SORCS1: variants seen among roughly 807,000 people sequenced by gnomAD.
SORCS1 encodes the protein sortilin related VPS10 domain containing receptor 1.
SORCS1 carries 60 observed loss-of-function variants against 146.1 expected under a neutral mutation model. The observed-to-expected ratio is 0.41, with a 90% CI of 0.33 to 0.51. SORCS1 has a LOEUF of 0.51. Ranked by LOEUF, SORCS1 falls within the 20% of genes least tolerant of loss-of-function variation. The probability of loss-of-function intolerance (pLI) is 0.21; values close to 1 mark genes in which losing one functional copy is unlikely to be tolerated. For missense variants in SORCS1, 1,352 were observed against 1,487.6 expected, an observed-to-expected ratio of 0.91 and a Z score of 1.50; for synonymous variants, 637 against 584.0, an observed-to-expected ratio of 1.09 and a Z score of -1.31.
intron 2 of SORCS1, among the ~76,000 whole-genome samples, chr10:106,850,260 C>G (rs1032556262): frequency 2.0e-5 from 3 of 152,054 alleles, no homozygotes; most frequent in African/African-American, 4.8e-5. Context: ...GAGGACCCTC[C>G]GAGCCAGGTG....
chr10:106,927,537 G>T (rs1161738588), intron 2 of SORCS1, among the ~76,000 whole-genome samples: 1 of 152,258 alleles, frequency 6.6e-6, no homozygotes, highest in East Asian at 1.9e-4. Context: ...GGACATGAGC[G>T]GGTTGCCACT....
intron 17 of SORCS1, among the ~76,000 whole-genome samples, chr10:106,665,044 C>T (rs1006869533): frequency 3.3e-5 from 5 of 151,996 alleles, no homozygotes; most frequent in Non-Finnish European, 7.4e-5. Flanking sequence ...CCTTGGATGT[C>T]GTGTTATCAT....
chr10:106,852,825 C>T (rs2137309066), intron 2 of SORCS1, among the ~76,000 whole-genome samples: 1 of 152,136 alleles, frequency 6.6e-6, no homozygotes, highest in Non-Finnish European at 1.5e-5. Flanking sequence ...CTTTACATAT[C>T]TTGGATAAAC....
chr10:107,038,621 C>G (rs1959020187), intron 1 of SORCS1, among the ~76,000 whole-genome samples: 1 of 151,940 alleles, frequency 6.6e-6, no homozygotes, highest in South Asian at 2.1e-4. Context: ...TGCTTAAATT[C>G]TCTTTGTTTT....
chr10:106,779,547 A>ATT lies in SORCS1; in HGVS notation c.727-2857_727-2856dup, dbSNP rs11357093. On this transcript the variant is annotated intron_variant, in intron 3 of 25. Coordinates refer to ENST00000263054, the MANE Select transcript of SORCS1 (RefSeq NM_052918.5). ...TTTTAAGTTTGACATTATGGCCCAT[A>ATT]TTTTTTTTTTTTTTTTTTTTGAGAC... Among the ~76,000 whole-genome samples the ATT allele has an allele frequency of 3.2e-3, 273 of 84,772 alleles. 7 individuals carry two copies. The highest frequency in any genetic ancestry group is 9.3e-3 in the East Asian group (37 of 3,996). 55.6% of individuals were successfully genotyped at this position (84,772 alleles called of 152,430 possible).
At chr10:106,974,811 T>C (rs1176303544) in intron 1 of SORCS1, among the ~76,000 whole-genome samples, 1 of 152,186 alleles carries the variant, frequency 6.6e-6, no homozygotes, top group Non-Finnish European at 1.5e-5. Context: ...TTACGCAGTT[T>C]TGAGAATGAA....
At chr10:106,588,240 G>A (rs1217211379) in intron 24 of SORCS1, among the ~76,000 whole-genome samples, 1 of 152,210 alleles carries the variant, frequency 6.6e-6, no homozygotes, top group Non-Finnish European at 1.5e-5. Context: ...CCCAGATTCA[G>A]GGGCATGTTT....
At chr10:107,097,510 T>C (rs144923967) in intron 1 of SORCS1, among the ~76,000 whole-genome samples, 188 of 152,288 alleles carry the variant, frequency 1.2e-3, no homozygotes, top group Non-Finnish European at 2.4e-3. Flanking sequence ...TAGGAGCAAC[T>C]GGCTAGGGTT....
At chr10:106,761,782 T>C (rs1859128901) in intron 4 of SORCS1, 121 bp from the exon 5 acceptor site, 7 of 818,562 alleles carry the variant, frequency 8.6e-6, no homozygotes, top group Non-Finnish European at 8.0e-6. Flanking sequence ...ACCTGCCATA[T>C]ACAAGGTGAG....
intron 2 of SORCS1, among the ~76,000 whole-genome samples, chr10:106,831,783 A>T (rs747286215): frequency 9.9e-5 from 15 of 152,210 alleles, no homozygotes; most frequent in Non-Finnish European, 1.8e-4. Context: ...CAGAGGATTT[A>T]GATGCCATTC....
intron 1 of SORCS1, among the ~76,000 whole-genome samples, chr10:107,077,288 C>T (rs1034086436): frequency 1.3e-5 from 2 of 151,970 alleles, no homozygotes; most frequent in South Asian, 2.1e-4. Context: ...TAACTATTTT[C>T]GGTCCAATTA....
intron 18 of SORCS1, among the ~76,000 whole-genome samples, chr10:106,645,864 C>T (rs7099241): frequency 6.6e-6 from 1 of 151,816 alleles, no homozygotes; most frequent in South Asian, 2.1e-4. Flanking sequence ...TTATTGAAAA[C>T]GTATTATTAT....
intron 18 of SORCS1, among the ~76,000 whole-genome samples, chr10:106,642,385 A>G (rs1303857043): frequency 1.3e-5 from 2 of 152,190 alleles, no homozygotes; most frequent in East Asian, 3.9e-4. Context: ...TACCTAGAGG[A>G]CTTGCTCTTT....
intron 2 of SORCS1, among the ~76,000 whole-genome samples, chr10:106,836,528 C>T (rs1048863739): frequency 5.3e-5 from 8 of 150,446 alleles, no homozygotes; most frequent in Admixed American, 1.3e-4. Flanking sequence ...CACTGGCCAG[C>T]ATCCTTAACT....
At chr10:107,040,156 G>A (rs904665204) in intron 1 of SORCS1, among the ~76,000 whole-genome samples, 4 of 152,078 alleles carry the variant, frequency 2.6e-5, no homozygotes, top group East Asian at 1.9e-4. Flanking sequence ...TGTTATCACC[G>A]CACTAACCAT....
intron 5 of SORCS1, among the ~76,000 whole-genome samples, chr10:106,735,918 G>A (rs189123507): frequency 2.6e-4 from 40 of 152,260 alleles, no homozygotes; most frequent in Non-Finnish European, 5.1e-4. Context: ...GAGCTTTGTT[G>A]ATGAAAACAA....
At chr10:106,900,399 C>A (rs945484985) in intron 2 of SORCS1, among the ~76,000 whole-genome samples, 1 of 152,180 alleles carries the variant, frequency 6.6e-6, no homozygotes, top group Non-Finnish European at 1.5e-5. Flanking sequence ...CTACTGCTCT[C>A]TGTGGCTTTT....
At chr10:107,085,935 C>T (rs1963724356) in intron 1 of SORCS1, among the ~76,000 whole-genome samples, 1 of 152,204 alleles carries the variant, frequency 6.6e-6, no homozygotes, top group East Asian at 1.9e-4. Context: ...CTTTTCCCCA[C>T]TACCAAACAA....
At chr10:106,818,426 C>T (rs943178884) in intron 3 of SORCS1, among the ~76,000 whole-genome samples, 7 of 149,374 alleles carry the variant, frequency 4.7e-5, no homozygotes, top group Non-Finnish European at 1.0e-4. Flanking sequence ...AGTGCAGTGG[C>T]GAGATCTTGG....
Sources: gnomAD v4.1 joint callset for allele counts (sites outside exome capture counted in the v4.1 genomes callset) on GRCh38, gnomAD v4.1.1 for gene constraint, MANE v1.5 for transcripts, NCBI Gene and HGNC (gene_info 2026-07-23, HGNC 2026-07-21) for gene names.